DNAH14: variants seen among roughly 807,000 people sequenced by gnomAD.
DNAH14 encodes axonemal beta dynein heavy chain 14.
DNAH14 carries 478 observed loss-of-function variants against 520.9 expected under a neutral mutation model. The ratio of observed to expected loss-of-function variants is 0.92; its 90% CI spans 0.85 to 0.99. DNAH14 has a LOEUF of 0.99. Ranked by LOEUF, DNAH14 falls within the 50% of genes least tolerant of loss-of-function variation. The pLI is 0.00. For synonymous variants in DNAH14, 1,581 were observed against 1,757.2 expected (o/e 0.90, Z 2.51); for missense variants, 4,831 against 5,234.5 (o/e 0.92, Z 2.38).
chr1:225,284,423 A>C (rs1324490315), intron 54 of DNAH14, among the ~76,000 whole-genome samples: 1 of 152,174 alleles, frequency 6.6e-6, no homozygotes, highest in Admixed American at 6.5e-5. Flanking sequence ...TCCTAGAAAT[A>C]TATAAATTAC....
At chr1:225,090,836 AC>A (rs2074315840) in intron 21 of DNAH14, among the ~76,000 whole-genome samples, 2 of 152,172 alleles carry the variant, frequency 1.3e-5, no homozygotes, top group East Asian at 1.9e-4. Flanking sequence ...TCAATATGGC[AC>A]CAAAAGCACT....
intron 36 of DNAH14, among the ~76,000 whole-genome samples, chr1:225,169,168 A>C (rs2082339644): frequency 6.6e-6 from 1 of 152,180 alleles, no homozygotes; most frequent in Admixed American, 6.5e-5. Context: ...TCAAAGACCA[A>C]AGGTAGATAA....
Position 225,050,228 on chromosome 1 carries a change from GC to G in DNAH14, c.1933del (p.Gln645LysfsTer14). 6.5e-7 allele frequency: 1 copy of G among 1,537,238 alleles called. No individual in the cohort carries two copies. Among genetic ancestry groups the G allele is most frequent in the Non-Finnish European group, 8.7e-7 (1 of 1,143,376 alleles). ...EKCITTITPLCQDPQLSIFID... is the reference protein window; with the variant it reads ...EKCITTITPLXQDPQLSIFID... ...ATTTTAGCCACAATTACTCCTCTTT[GC>G]CAAGATCCCCAGCTGTCTATCTTCA... is the stretch of plus-strand genomic sequence containing the variant. On this transcript the variant is annotated frameshift_variant, in exon 16 of 86. Coordinates refer to ENST00000682510, the MANE Select transcript of DNAH14 (RefSeq NM_001367479.1). LOFTEE classifies it high-confidence loss of function.
intron 27 of DNAH14, among the ~76,000 whole-genome samples, chr1:225,138,108 C>G (rs868309548): frequency 1.3e-5 from 2 of 152,188 alleles, no homozygotes; most frequent in African/African-American, 4.8e-5. Flanking sequence ...TGCCCCTCCC[C>G]CTGGGAGTTC....
chr1:225,210,534 C>T (rs1407768297), intron 41 of DNAH14, among the ~76,000 whole-genome samples: 1 of 150,726 alleles, frequency 6.6e-6, no homozygotes, highest in Non-Finnish European at 1.5e-5. Context: ...GATAAAACTC[C>T]CATCTGCCTG....
intron 69 of DNAH14, among the ~76,000 whole-genome samples, chr1:225,341,386 C>A (rs560328158): frequency 4.3e-4 from 65 of 152,328 alleles, no homozygotes; most frequent in African/African-American, 1.5e-3. Context: ...CTTTGGGAGG[C>A]CGAAGCAGGT....
At chr1:225,294,694 G>A (rs2150026971) in intron 55 of DNAH14, among the ~76,000 whole-genome samples, 1 of 152,036 alleles carries the variant, frequency 6.6e-6, no homozygotes, top group Non-Finnish European at 1.5e-5. Context: ...TGTGGTGGCA[G>A]GTGCCTGTAA....
Position 225,043,993 on chromosome 1 carries a change from T to G in DNAH14, c.1912+10T>G. 7.0e-7 allele frequency: 1 copy of G among 1,431,098 alleles called. No homozygotes were observed. The highest frequency in any genetic ancestry group is 1.3e-5 in the South Asian group (1 of 75,152). The allele number at this position is 1,431,098 out of a possible 1,614,324, so 88.6% of individuals were successfully genotyped here. ...ATGGAAAAATGTATAAGTAAGTGTT[T>G]TTAAAGCTTAGTGAAATGCATTGTC... is the stretch of plus-strand genomic sequence containing the variant. On this transcript the variant is annotated intron_variant, in intron 15 of 85. Coordinates refer to ENST00000682510, the MANE Select transcript of DNAH14 (RefSeq NM_001367479.1).
At chr1:224,942,069 A>T (rs2059457294) in intron 1 of DNAH14, among the ~76,000 whole-genome samples, 1 of 152,104 alleles carries the variant, frequency 6.6e-6, no homozygotes, top group Non-Finnish European at 1.5e-5. Flanking sequence ...CTTGATGGGG[A>T]TGGCATTGAA....
chr1:225,335,001 C>T (rs549994348), intron 66 of DNAH14, among the ~76,000 whole-genome samples: 51 of 148,780 alleles, frequency 3.4e-4, no homozygotes, highest in Non-Finnish European at 3.1e-4. Flanking sequence ...ACTATATATA[C>T]GCATATATAC....
intron 42 of DNAH14, among the ~76,000 whole-genome samples, chr1:225,234,907 C>T (rs894998875): frequency 5.9e-5 from 9 of 152,134 alleles, no homozygotes; most frequent in Admixed American, 5.9e-4. Context: ...TATTCTCAGA[C>T]TTTGCTGAAG....
intron 76 of DNAH14, among the ~76,000 whole-genome samples, chr1:225,365,143 A>G (rs1015050046): frequency 6.6e-6 from 1 of 152,210 alleles, no homozygotes; most frequent in African/African-American, 2.4e-5. Flanking sequence ...TCCAATTATT[A>G]TAAAGCAAAA....
chr1:224,962,746 A>G (rs559377416), intron 4 of DNAH14, among the ~76,000 whole-genome samples: 1 of 152,286 alleles, frequency 6.6e-6, no homozygotes, highest in South Asian at 2.1e-4. Context: ...TCTCTTTTAG[A>G]AAAATGTTTT....
chr1:224,999,440 G>A (rs1483995763), intron 8 of DNAH14, among the ~76,000 whole-genome samples: 1 of 151,996 alleles, frequency 6.6e-6, no homozygotes, highest in African/African-American at 2.4e-5. Flanking sequence ...CCCAACCTCA[G>A]GTGAGCTTCC....
intron 4 of DNAH14, among the ~76,000 whole-genome samples, chr1:224,961,769 C>G (rs2060859997): frequency 6.6e-6 from 1 of 152,152 alleles, no homozygotes; most frequent in Non-Finnish European, 1.5e-5. Context: ...AGGAAACTGA[C>G]ACAGTGGCTT....
At chr1:225,025,537 G>A (rs1229931851) in intron 11 of DNAH14, among the ~76,000 whole-genome samples, 1 of 151,124 alleles carries the variant, frequency 6.6e-6, no homozygotes, top group East Asian at 1.9e-4. Flanking sequence ...TTCAAGACCA[G>A]TCTGGGCAAC....
At chr1:225,302,271 AAGAT>A (rs2094153582) in intron 56 of DNAH14, among the ~76,000 whole-genome samples, 1 of 151,896 alleles carries the variant, frequency 6.6e-6, no homozygotes, top group African/African-American at 2.4e-5. Context: ...GCGTAAAACA[AAGAT>A]AGATATTTTC....
At position 224,960,179 on chromosome 1, in the gene DNAH14, C is replaced by T. The variant is rs374296761; in HGVS notation, c.244C>T (p.Gln82Ter). The change falls in exon 4 of 86, where the codon CAA becomes TAA. Residue 82 changes from glutamine (Q) to a stop codon, truncating the protein, a stop_gained. Coordinates refer to ENST00000682510, the MANE Select transcript of DNAH14 (RefSeq NM_001367479.1). LOFTEE classifies it high-confidence loss of function. ...TTACCTTAGAGAAAGTATAATTCAA[C>T]AACATATGGTTTCTCCAGAGCCAGC... is the stretch of plus-strand genomic sequence containing the variant. Reference protein sequence around the residue: ...EDYLRESIIQQHMVSPEPASL... With the variant: ...EDYLRESIIQ 1 of 1,595,438 alleles carries T rather than the reference C, an allele frequency of 6.3e-7. No homozygotes were observed. Among genetic ancestry groups the T allele is most frequent in the African/African-American group, 1.4e-5 (1 of 73,840 alleles).
chr1:225,042,853 G>C lies in DNAH14; in HGVS notation c.1507G>C (p.Val503Leu). 6.4e-7 allele frequency: 1 copy of C among 1,551,274 alleles called. No homozygotes were observed. Among genetic ancestry groups the C allele is most frequent in the Non-Finnish European group, 8.7e-7 (1 of 1,146,760 alleles). The change falls in exon 13 of 86, where the codon GTG becomes CTG. Residue 503 changes from valine (V) to leucine (L), a missense_variant. Val to Leu is a conservative substitution (Grantham distance 32). Transcript: ENST00000682510. ...AAATTAGATTTTGAATAGTGTTGAAGTGGGGAAGGATTTGAGAAAAACATA... is the reference window on the plus strand; with the variant it reads ...AAATTAGATTTTGAATAGTGTTGAACTGGGGAAGGATTTGAGAAAAACATA... Reference protein sequence around the residue: ...DINEILNSVEVGKDLRKTYAP... With the variant: ...DINEILNSVELGKDLRKTYAP...
Sources: allele counts gnomAD v4.1 joint callset (sites outside exome capture counted in the v4.1 genomes callset), GRCh38; gene constraint gnomAD v4.1.1; transcripts MANE v1.5; gene names NCBI Gene and HGNC (gene_info 2026-07-23, HGNC 2026-07-21).